The following KAT6B variants were observed in gnomAD, a reference collection of about 807,000 sequenced individuals.
KAT6B encodes the protein histone acetyltransferase KAT6B.
A neutral mutation model predicts 187.5 loss-of-function variants in KAT6B; 10 were observed. That is an observed-to-expected ratio of 0.05 (90% CI 0.03 to 0.09). KAT6B has a LOEUF of 0.09. KAT6B is among the 10% of genes least tolerant of loss of function. The pLI, the probability that KAT6B is intolerant of heterozygous loss-of-function variation, is 1.00. For missense variants in KAT6B, 1,952 were observed against 2,558.9 expected, an observed-to-expected ratio of 0.76 and a Z score of 5.12; for synonymous variants, 861 against 926.8, an observed-to-expected ratio of 0.93 and a Z score of 1.29.
In KAT6B at chr10:75,032,489, C is replaced by G. The variant is rs2134266807; in HGVS notation, c.*1443C>G. On this transcript the variant is annotated 3_prime_UTR_variant, in exon 18 of 18. Transcript: ENST00000287239. Reference sequence around the variant, plus strand: ...TAAGAGTAATATCTAATAAAACCATCACATATACCAAATACCTATTTAATA... The same window carrying G: ...TAAGAGTAATATCTAATAAAACCATGACATATACCAAATACCTATTTAATA... 1 of 184,466 alleles carries G rather than the reference C, an allele frequency of 5.4e-6. No homozygotes were observed. Among genetic ancestry groups the G allele is most frequent in the East Asian group, 8.8e-5 (1 of 11,370 alleles). The allele number at this position is 184,466 out of a possible 1,614,324, so 11.4% of individuals were successfully genotyped here. A position where few individuals can be genotyped will look rare whatever the true frequency, so the allele number is the denominator to read the frequency against.
Position 75,029,954 on chromosome 10 carries a change from C to T in KAT6B, c.5130C>T (p.Thr1710=), listed in dbSNP as rs1341937982. The change falls in exon 18 of 18, where the codon ACC becomes ACT. Residue 1710 remains threonine, a synonymous_variant. Coordinates refer to ENST00000287239, the MANE Select transcript of KAT6B (RefSeq NM_012330.4). This position sits in a 1 kb window ranked among gnomAD's most constrained non-coding sequence, Gnocchi z 6.2. The stretch of plus-strand genomic sequence containing the variant: ...ACAGCTGCTCCTATAGCAACCTCAC[C>T]TCCAGCAGTCTGACACAGAGCAGCT... The part of the protein sequence containing the change: ...SQNSCSYSNL[T]SSSLTQSSCA... 1.9e-6 allele frequency: 3 copies of T among 1,614,100 alleles called. No individual in the cohort carries two copies. Among genetic ancestry groups the T allele is most frequent in the East Asian group, 2.2e-5 (1 of 44,896 alleles).
intron 3 of KAT6B, among the ~76,000 whole-genome samples, chr10:74,845,642 G>A (rs1442630393): frequency 1.3e-5 from 2 of 151,304 alleles, no homozygotes; most frequent in Non-Finnish European, 2.9e-5. Flanking sequence ...GAATACAGGT[G>A]TATGCCACCA....
chr10:75,025,273 C>T (rs1325769273), intron 17 of KAT6B, 24 bp downstream of exon 17: 3 of 1,612,188 alleles, frequency 1.9e-6, no homozygotes, highest in Middle Eastern at 1.7e-4. Context: ...TGATAAAAAC[C>T]TTACCCTTGA....
chr10:74,897,046 A>G (rs1846041955), intron 3 of KAT6B, among the ~76,000 whole-genome samples: 1 of 152,196 alleles, frequency 6.6e-6, no homozygotes, highest in Admixed American at 6.5e-5. Flanking sequence ...CTACTTGATT[A>G]TATTGTTCAA....
chr10:74,973,398 G>A (rs1246428795), intron 7 of KAT6B, among the ~76,000 whole-genome samples: 1 of 152,148 alleles, frequency 6.6e-6, no homozygotes, highest in Non-Finnish European at 1.5e-5. Flanking sequence ...CAGCATTAAG[G>A]TGTTTACGAA....
intron 13 of KAT6B, among the ~76,000 whole-genome samples, chr10:75,009,784 T>A (rs933950667): frequency 6.6e-6 from 1 of 152,156 alleles, no homozygotes; most frequent in Non-Finnish European, 1.5e-5. Context: ...GGCAGGCAGA[T>A]CACCTGAGGT....
At chr10:74,904,962 TA>T (rs1225861264) in intron 3 of KAT6B, among the ~76,000 whole-genome samples, 1 of 152,192 alleles carries the variant, frequency 6.6e-6, no homozygotes, top group Non-Finnish European at 1.5e-5. Flanking sequence ...TTTGAAGACG[TA>T]ACTTAAAATT....
chr10:74,966,843 T>C (rs776772496), intron 4 of KAT6B, among the ~76,000 whole-genome samples: 4 of 151,636 alleles, frequency 2.6e-5, no homozygotes, highest in African/African-American at 4.9e-5. Flanking sequence ...CTGGCCAACA[T>C]GGCAAAACCC....
chr10:74,943,968 A>C lies in KAT6B; in HGVS notation c.622-16002A>C, dbSNP rs79875945. On this transcript the variant is annotated intron_variant, in intron 3 of 17. Transcript: ENST00000287239. Reference sequence around the variant, plus strand: ...ACAACTGAATAAGACAAACAACCCAATTAAACAATGGGTGTTACAGGTTGT... The same window carrying C: ...ACAACTGAATAAGACAAACAACCCACTTAAACAATGGGTGTTACAGGTTGT... 1.3e-3 allele frequency among the ~76,000 whole-genome samples: 193 copies of C among 152,334 alleles called. 4 individuals are homozygous for C. The East Asian group carries it at 0.029, about 23-fold the overall frequency.
chr10:74,966,172 C>T (rs889026590), intron 4 of KAT6B, among the ~76,000 whole-genome samples: 6 of 152,230 alleles, frequency 3.9e-5, no homozygotes, highest in African/African-American at 9.6e-5. Context: ...TCTTGAAAGC[C>T]TGTGATAGCA....
At position 75,021,130 on chromosome 10, in the gene KAT6B, G is replaced by A. The variant is rs749430563; in HGVS notation, c.2866G>A (p.Val956Ile). Residue 956 changes from valine (V) to isoleucine (I), a missense_variant, in exon 15 of 18, where the codon GTC becomes ATC. This residue lies in a region of KAT6B where 758 missense variants were observed against 891.4 expected (regional missense o/e 0.85). Transcript: ENST00000287239. ...HMIDKRDGRF[V>I]IIRREKLILS... ...TTCTGCCTTATCACATTACAGATTTGTCATCATTAGACGGGAAAAGTTGAT... is the reference window on the plus strand; with the variant it reads ...TTCTGCCTTATCACATTACAGATTTATCATCATTAGACGGGAAAAGTTGAT... 4 of 1,613,918 alleles carry A rather than the reference G, an allele frequency of 2.5e-6. No homozygotes were observed. The highest frequency in any genetic ancestry group is 2.5e-6 in the Non-Finnish European group (3 of 1,179,824).
At chr10:74,981,740 A>G (rs1476647508) in intron 10 of KAT6B, 47 bp from the exon 11 acceptor site, 2 of 1,293,296 alleles carry the variant, frequency 1.5e-6, no homozygotes, top group South Asian at 1.2e-5. Flanking sequence ...CTTCCCCCCA[A>G]CAGTATAATC....
Position 75,021,246 on chromosome 10 carries a change from T to A in KAT6B, c.2982T>A (p.Asn994Lys), listed in dbSNP as rs373712259. The change falls in exon 15 of 18, where the codon AAT becomes AAA. Residue 994 changes from asparagine (N) to lysine (K), a missense_variant. This residue lies in a region of KAT6B where 758 missense variants were observed against 891.4 expected (regional missense o/e 0.85). Coordinates refer to ENST00000287239, the MANE Select transcript of KAT6B (RefSeq NM_012330.4). ...SLRWTPILIS[N>K]AAVSEEEREA... ...GGTGGACCCCAATTTTAATTTCTAA[T>A]GCTGCAGTGTCTGAAGAAGAGCGAG... 4 of 1,614,208 alleles carry A rather than the reference T, an allele frequency of 2.5e-6. No individual in the cohort carries two copies. Among genetic ancestry groups the A allele is most frequent in the Non-Finnish European group, 3.4e-6 (4 of 1,180,032 alleles).
At chr10:74,926,218 C>A (rs1223970898) in intron 3 of KAT6B, among the ~76,000 whole-genome samples, 2 of 152,228 alleles carry the variant, frequency 1.3e-5, no homozygotes, top group Admixed American at 6.5e-5. Flanking sequence ...CTTTGGGAAG[C>A]CGAGGCGGGC....
In KAT6B at chr10:74,843,121, T is replaced by C. The variant is rs1841857654; in HGVS notation, c.264T>C (p.Phe88=). The C allele has an allele frequency of 1.2e-5, 19 of 1,614,184 alleles. No homozygotes were observed. The highest frequency in any genetic ancestry group is 1.5e-5 in the Non-Finnish European group (18 of 1,180,030). Residue 88 remains phenylalanine (F), a synonymous_variant, in exon 3 of 18, where the codon TTT becomes TTC. Transcript: ENST00000287239. ...TTTCATCAGTTAAACCAGGCACTTT[T>C]CCTAAGTCAGCCAAGGGGTCTAGAG... ...GRFSSVKPGT[F]PKSAKGSRGS...
chr10:74,988,998 A>T (rs1218343115), intron 12 of KAT6B, 21 bp from the exon 13 acceptor site: 1 of 1,551,194 alleles, frequency 6.4e-7, no homozygotes, highest in South Asian at 1.1e-5. Context: ...GACATACTTG[A>T]TCTGTTTCTC....
intron 3 of KAT6B, among the ~76,000 whole-genome samples, chr10:74,858,103 G>A (rs1842929428): frequency 6.6e-6 from 1 of 151,934 alleles, no homozygotes; most frequent in Non-Finnish European, 1.5e-5. Context: ...GAAGGCCGGG[G>A]GTCAAGAGGC....
At chr10:74,933,861 A>G (rs1849045710) in intron 3 of KAT6B, among the ~76,000 whole-genome samples, 1 of 152,158 alleles carries the variant, frequency 6.6e-6, no homozygotes, top group Non-Finnish European at 1.5e-5. Flanking sequence ...AGGGATTGAG[A>G]CATACATCCT....
intron 8 of KAT6B, 54 bp downstream of exon 8, chr10:74,976,384 A>T: frequency 3.4e-6 from 5 of 1,453,562 alleles, no homozygotes; most frequent in Non-Finnish European, 1.9e-6. Context: ...CTTTCTCCCC[A>T]ACCCTGAAAA....
Sources: gnomAD v4.1 joint callset for allele counts (sites outside exome capture counted in the v4.1 genomes callset) on GRCh38, gnomAD v4.1.1 for gene constraint, gnomAD v4.1.1 regional missense constraint, Gnocchi (gnomAD v3.1) non-coding constraint, MANE v1.5 for transcripts, NCBI Gene and HGNC (gene_info 2026-07-23, HGNC 2026-07-21) for gene names.